SYN3: variants seen among roughly 807,000 people sequenced by gnomAD.
SYN3 encodes the protein synapsin-3.
In SYN3, 35 loss-of-function variants were observed where a neutral mutation model predicts 65.8. The ratio of observed to expected loss-of-function variants is 0.53; its 90% CI spans 0.41 to 0.70. The LOEUF is 0.70. Ranked by LOEUF, SYN3 falls within the 30% of genes least tolerant of loss-of-function variation. The probability of loss-of-function intolerance (pLI) is 0.00; values close to 1 mark genes in which losing one functional copy is unlikely to be tolerated. For missense variants in SYN3, 680 were observed against 749.0 expected (o/e 0.91, Z 1.08); for synonymous variants, 270 against 292.9 (o/e 0.92, Z 0.80).
chr22:32,960,042 G>A (rs2051598442), intron 3 of SYN3, among the ~76,000 whole-genome samples: 1 of 152,198 alleles, frequency 6.6e-6, no homozygotes, highest in African/African-American at 2.4e-5. Flanking sequence ...TTGAAAAACC[G>A]TTAGAAAGCA....
At chr22:32,542,542 T>C (rs2146246774) in intron 7 of SYN3, among the ~76,000 whole-genome samples, 1 of 150,216 alleles carries the variant, frequency 6.7e-6, no homozygotes, top group East Asian at 2.0e-4. Context: ...TGTGTGTGTG[T>C]AGTGTGTGAT....
chr22:32,629,986 T>A (rs2059723602), intron 6 of SYN3: 1 of 139,570 alleles, frequency 7.2e-6, no homozygotes, highest in Non-Finnish European at 1.5e-5. Context: ...TATAGGTATG[T>A]ATTTTTTTTT....
intron 6 of SYN3, among the ~76,000 whole-genome samples, chr22:32,720,596 C>CTAGTG (rs1335546579): frequency 3.9e-5 from 6 of 152,200 alleles, no homozygotes; most frequent in Non-Finnish European, 8.8e-5. Context: ...TTTTCACTGC[C>CTAGTG]CAGTGAATAG....
intron 1 of SYN3, among the ~76,000 whole-genome samples, chr22:33,034,913 A>G (rs12484058): frequency 0.17 from 26,540 of 151,984 alleles, 2,692 homozygotes; most frequent in East Asian, 0.41. Flanking sequence ...GCCAAGATCA[A>G]TAGGGTTCTC....
At chr22:32,916,580 T>C (rs2050192214) in intron 4 of SYN3, among the ~76,000 whole-genome samples, 1 of 152,222 alleles carries the variant, frequency 6.6e-6, no homozygotes, top group African/African-American at 2.4e-5. Flanking sequence ...GTGTTTTAGT[T>C]GCCTGCATGC....
intron 4 of SYN3, among the ~76,000 whole-genome samples, chr22:32,871,448 A>G (rs921234630): frequency 1.3e-5 from 2 of 152,116 alleles, no homozygotes; most frequent in African/African-American, 4.8e-5. Context: ...CTACCTCAAG[A>G]TCCCACATGT....
chr22:32,749,862 T>C (rs1395761025), intron 6 of SYN3, among the ~76,000 whole-genome samples: 4 of 152,164 alleles, frequency 2.6e-5, no homozygotes, highest in Non-Finnish European at 5.9e-5. Flanking sequence ...AAACTTAGCA[T>C]GCCAAGCTCC....
intron 6 of SYN3, among the ~76,000 whole-genome samples, chr22:32,711,077 C>T (rs1459239917): frequency 1.3e-5 from 2 of 152,160 alleles, no homozygotes; most frequent in Admixed American, 1.3e-4. Context: ...GACTAATTGT[C>T]CCTGTTTGCC....
intron 6 of SYN3, among the ~76,000 whole-genome samples, chr22:32,680,021 A>G (rs2060502756): frequency 6.6e-6 from 1 of 152,014 alleles, no homozygotes; most frequent in Non-Finnish European, 1.5e-5. Context: ...CCATGAGGGC[A>G]GAGCCTAGTC....
chr22:32,597,204 CTTTTTTTTTTTTTTT>C lies in SYN3; in HGVS notation c.712-483_712-469del, dbSNP rs6147592. Among the ~76,000 whole-genome samples, 10 of 87,400 alleles carry C rather than the reference CTTTTTTTTTTTTTTT, an allele frequency of 1.1e-4. No individual in the cohort carries two copies. The South Asian group carries it at 1.6e-3, about 14-fold the overall frequency. The allele number at this position is 87,400 out of a possible 152,430, so 57.3% of individuals were successfully genotyped here. A position where few individuals can be genotyped will look rare whatever the true frequency, so the allele number is the denominator to read the frequency against. On this transcript the variant is annotated intron_variant, in intron 6 of 13. Transcript: ENST00000358763. The stretch of plus-strand genomic sequence containing the variant: ...GCATACTCCTGTCTTACATTATTCT[CTTTTTTTTTTTTTTT>C]TTTTTTTTTTTTTTGGGACAAGTCT...
At chr22:32,671,562 C>CAT (rs565374260) in intron 6 of SYN3, among the ~76,000 whole-genome samples, 1,885 of 135,900 alleles carry the variant, frequency 0.014, 38 homozygotes, top group African/African-American at 0.045. Flanking sequence ...CACACACACA[C>CAT]ATGCTCTCAA....
chr22:32,899,268 A>T (rs1306684638), intron 4 of SYN3, among the ~76,000 whole-genome samples: 1 of 152,204 alleles, frequency 6.6e-6, no homozygotes, highest in Non-Finnish European at 1.5e-5. Context: ...CTATGGACTG[A>T]GCCAGTGCAC....
intron 2 of SYN3, among the ~76,000 whole-genome samples, chr22:32,996,301 CCAAA>C (rs139481153): frequency 0.2 from 30,694 of 151,802 alleles, 3,571 homozygotes; most frequent in Non-Finnish European, 0.27. Context: ...ATGGGTAGGA[CCAAA>C]CAAAGTCACT....
intron 6 of SYN3, among the ~76,000 whole-genome samples, chr22:32,686,590 A>ATTT (rs149862418): frequency 1.1e-3 from 76 of 72,342 alleles, no homozygotes; most frequent in Non-Finnish European, 1.3e-3. Context: ...CTGCTCCTCC[A>ATTT]TTTTTTTTTT....
At chr22:33,032,210 TAA>T (rs35196379) in intron 1 of SYN3, among the ~76,000 whole-genome samples, 35 of 135,166 alleles carry the variant, frequency 2.6e-4, no homozygotes, top group East Asian at 1.1e-3. Flanking sequence ...GCTCTGTCTT[TAA>T]AAAAAAAAAA....
At chr22:32,710,172 G>A (rs947829565) in intron 6 of SYN3, among the ~76,000 whole-genome samples, 1 of 149,662 alleles carries the variant, frequency 6.7e-6, no homozygotes, top group African/African-American at 2.5e-5. Flanking sequence ...GCCCTGATAT[G>A]GTTTGGATCT....
intron 6 of SYN3, among the ~76,000 whole-genome samples, chr22:32,823,167 T>TTC (rs2047301959): frequency 6.6e-6 from 1 of 152,218 alleles, no homozygotes; most frequent in Admixed American, 6.5e-5. Flanking sequence ...CTTTTGGGTC[T>TTC]AGAGCATCAT....
chr22:32,735,840 C>A (rs891824368), intron 6 of SYN3, among the ~76,000 whole-genome samples: 1 of 152,214 alleles, frequency 6.6e-6, no homozygotes, highest in African/African-American at 2.4e-5. Context: ...CTCCAGCCTG[C>A]ACCCTTATGT....
chr22:32,966,185 G>A (rs891671110), intron 3 of SYN3, among the ~76,000 whole-genome samples: 2 of 152,180 alleles, frequency 1.3e-5, no homozygotes, highest in Admixed American at 1.3e-4. Flanking sequence ...GGTATGAGGT[G>A]CTAGGGGAGT....
Sources: allele counts gnomAD v4.1 joint callset (sites outside exome capture counted in the v4.1 genomes callset), GRCh38; gene constraint gnomAD v4.1.1; transcripts MANE v1.5; gene names NCBI Gene and HGNC (gene_info 2026-07-23, HGNC 2026-07-21).